Variants in SATB2 observed in about 807,000 individuals in gnomAD.
SATB2 encodes the protein DNA-binding protein SATB2.
In SATB2, 1 loss-of-function variant was observed where a neutral mutation model predicts 73.4. That is an observed-to-expected ratio of 0.01 (90% CI 0.00 to 0.06). The LOEUF (loss-of-function observed/expected upper bound fraction) is 0.06. Among genes scored for constraint, SATB2 ranks in the 10% least tolerant of loss-of-function variants. The pLI, the probability that SATB2 is intolerant of heterozygous loss-of-function variation, is 1.00. For missense variants in SATB2, 459 were observed against 945.8 expected, an observed-to-expected ratio of 0.49 and a Z score of 6.75; for synonymous variants, 397 against 367.0, an observed-to-expected ratio of 1.08 and a Z score of -0.93.
At position 199,272,643 on chromosome 2, in the gene SATB2, G is replaced by A; in HGVS notation, c.1770C>T (p.Ala590=). The change falls in exon 11 of 11, where the codon GCC becomes GCT. Residue 590 remains alanine, a synonymous_variant. Transcript: ENST00000417098. The surrounding 1 kb of genome is among the most constrained non-coding windows in gnomAD (Gnocchi z 6.7). ...QVLHRQQSQP[A]KESSPPREEA... is the part of the protein sequence containing the mutation. ...CTTCTCTGGGAGGGGAACTCTCCTT[G>A]GCTGGCTGAGACTGCTGTCTATGAA... is the stretch of plus-strand genomic sequence containing the variant. The A allele has an allele frequency of 6.2e-7, 1 of 1,614,020 alleles. No individual in the cohort carries two copies. Among genetic ancestry groups the A allele is most frequent in the South Asian group, 1.1e-5 (1 of 91,080 alleles).
At chr2:199,379,210 G>A (rs1689692339) in intron 5 of SATB2, among the ~76,000 whole-genome samples, 1 of 152,144 alleles carries the variant, frequency 6.6e-6, no homozygotes, top group African/African-American at 2.4e-5. Flanking sequence ...AAATGGAAAA[G>A]GCAGCCCTTT....
intron 6 of SATB2, among the ~76,000 whole-genome samples, chr2:199,365,316 C>A (rs1056578866): frequency 7.9e-5 from 12 of 151,672 alleles, no homozygotes; most frequent in African/African-American, 2.9e-4. Context: ...AAAAAAAATG[C>A]TGTCTAAACC....
At chr2:199,401,806 A>T (rs1358657061) in intron 3 of SATB2, among the ~76,000 whole-genome samples, 2 of 152,154 alleles carry the variant, frequency 1.3e-5, no homozygotes, top group Non-Finnish European at 2.9e-5. Context: ...ATCAGAAGAG[A>T]TTAGGAAGAG....
intron 3 of SATB2, among the ~76,000 whole-genome samples, chr2:199,398,342 T>A (rs747894426): frequency 2.0e-5 from 3 of 152,128 alleles, no homozygotes; most frequent in Non-Finnish European, 4.4e-5. Context: ...GCAGAATACA[T>A]ACCCCCAAAA....
chr2:199,458,755 C>G (rs1179454214), upstream of SATB2: 2 of 413,452 alleles, frequency 4.8e-6, no homozygotes, highest in Non-Finnish European at 9.6e-6. Context: ...GCCTCCCCCA[C>G]CCACCGCCTC....
At chr2:199,319,773 A>T (rs1360315058) in intron 9 of SATB2, among the ~76,000 whole-genome samples, 1 of 152,112 alleles carries the variant, frequency 6.6e-6, no homozygotes, top group African/African-American at 2.4e-5. Context: ...CAAAGAAAAA[A>T]AAAAAGTCAG....
intron 10 of SATB2, among the ~76,000 whole-genome samples, chr2:199,304,561 G>A (rs1251428194): frequency 6.6e-6 from 1 of 152,046 alleles, no homozygotes; most frequent in Non-Finnish European, 1.5e-5. Flanking sequence ...ATCTCTTTAT[G>A]TACCAAGTTC....
At chr2:199,330,236 C>T (rs533247899) in intron 7 of SATB2, among the ~76,000 whole-genome samples, 1 of 152,272 alleles carries the variant, frequency 6.6e-6, no homozygotes, top group Non-Finnish European at 1.5e-5. Flanking sequence ...TAAAATAAAG[C>T]AATGCATTAT....
At chr2:199,318,580 A>C (rs1237940437) in intron 9 of SATB2, among the ~76,000 whole-genome samples, 1 of 152,030 alleles carries the variant, frequency 6.6e-6, no homozygotes, top group Non-Finnish European at 1.5e-5. Flanking sequence ...AAGATTCTAA[A>C]ATATTAATAC....
At chr2:199,445,434 G>A (rs928691924) in intron 2 of SATB2, among the ~76,000 whole-genome samples, 2 of 152,132 alleles carry the variant, frequency 1.3e-5, no homozygotes, top group Admixed American at 6.5e-5. Flanking sequence ...CTAAAGTCAC[G>A]GCATTTTCAT....
chr2:199,454,434 A>G (rs1461862877), intron 2 of SATB2, among the ~76,000 whole-genome samples: 1 of 152,190 alleles, frequency 6.6e-6, no homozygotes, highest in Non-Finnish European at 1.5e-5. Flanking sequence ...TCTTATATGC[A>G]TATACTAACT....
intron 7 of SATB2, among the ~76,000 whole-genome samples, chr2:199,346,163 T>A (rs1688645606): frequency 6.6e-6 from 1 of 151,868 alleles, no homozygotes; most frequent in African/African-American, 2.4e-5. Context: ...TTTCTTTTTT[T>A]TTTTTGAGAC....
exon 1 of SATB2, chr2:199,471,045 C>G (rs1230117585): frequency 6.6e-6 from 1 of 152,480 alleles, no homozygotes; most frequent in African/African-American, 2.4e-5. Context: ...CCCCAATTAA[C>G]TATCTGTTGT....
upstream of SATB2, among the ~76,000 whole-genome samples, chr2:199,461,581 C>G (rs186395873): frequency 5.3e-4 from 80 of 152,290 alleles, 1 homozygote; most frequent in Non-Finnish European, 1.2e-4. Flanking sequence ...CTTCCATGCT[C>G]AAAACATGGA....
intron 7 of SATB2, among the ~76,000 whole-genome samples, chr2:199,340,991 G>A (rs1015264444): frequency 6.6e-6 from 1 of 152,104 alleles, no homozygotes; most frequent in Non-Finnish European, 1.5e-5. Flanking sequence ...AGGAAGATTC[G>A]CTGTACATAT....
upstream of SATB2, chr2:199,458,341 G>A (rs1489974112): frequency 7.4e-6 from 2 of 271,648 alleles, no homozygotes; most frequent in African/African-American, 2.4e-5. Context: ...GACAGGCGAG[G>A]GGCGGGTGGG....
Position 199,324,085 on chromosome 2 carries a change from T to C in SATB2, c.1387-127A>G. ...GCATTAGCTACAGAGGGACACTTCC[T>C]GTCCATTATTCTAATCAGGTTAATT... is the stretch of plus-strand genomic sequence containing the variant. On this transcript the variant is annotated intron_variant, in intron 8 of 10. Transcript: ENST00000417098. The C allele has an allele frequency of 6.4e-6, 6 of 931,024 alleles. No homozygotes were observed. In the Admixed American group the frequency reaches 9.0e-5, roughly 14 times the overall value. 57.7% of individuals were successfully genotyped at this position (931,024 alleles called of 1,614,324 possible).
rs148806110 is a variant in SATB2, at chr2:199,464,433, G to GCA, written c.-141+401_-141+402dup. ...CACCACCATTTCCACGCGCGCGCGCGCACACACACACACACACACACAGAG... is the reference window on the plus strand; with the variant it reads ...CACCACCATTTCCACGCGCGCGCGCGCACACACACACACACACACACACAGAG... On this transcript the variant is annotated intron_variant, in intron 1 of 11. Transcript: ENST00000260926. This position sits in a 1 kb window ranked among gnomAD's most constrained non-coding sequence, Gnocchi z 6.6. Among the ~76,000 whole-genome samples, 2,148 of 149,440 alleles carry GCA rather than the reference G, an allele frequency of 0.014. 38 individuals carry two copies. Among genetic ancestry groups the GCA allele is most frequent in the African/African-American group, 0.035 (1,426 of 41,066 alleles).
chr2:199,343,456 T>A (rs545706843), intron 7 of SATB2, among the ~76,000 whole-genome samples: 128 of 152,346 alleles, frequency 8.4e-4, no homozygotes, highest in African/African-American at 2.9e-3. Flanking sequence ...AGTCTAAACG[T>A]TTGGAAAATC....
Sources: gnomAD v4.1 joint callset for allele counts (sites outside exome capture counted in the v4.1 genomes callset) on GRCh38, gnomAD v4.1.1 for gene constraint, Gnocchi (gnomAD v3.1) non-coding constraint, MANE v1.5 for transcripts, NCBI Gene and HGNC (gene_info 2026-07-23, HGNC 2026-07-21) for gene names.